The following XIRP2 variants were observed in gnomAD, a reference collection of about 807,000 sequenced individuals.
The protein encoded by XIRP2 is xin actin-binding repeat-containing protein 2.
XIRP2 carries 236 observed loss-of-function variants against 277.0 expected under a neutral mutation model. That is an observed-to-expected ratio of 0.85 (90% CI 0.77 to 0.95). The LOEUF (loss-of-function observed/expected upper bound fraction) is 0.95. XIRP2 is among the 40% of genes least tolerant of loss of function. XIRP2 has a pLI of 0.00. For synonymous variants in XIRP2, 1,490 were observed against 1,416.5 expected (o/e 1.05, Z -1.17); for missense variants, 4,640 against 4,157.5 (o/e 1.12, Z -3.19).
Position 167,242,580 on chromosome 2 carries a change from A to G in XIRP2, c.1188A>G (p.Glu396=). The G allele has an allele frequency of 6.2e-7, 1 of 1,611,384 alleles. No individual in the cohort carries two copies. Among genetic ancestry groups the G allele is most frequent in the Non-Finnish European group, 8.5e-7 (1 of 1,178,504 alleles). The change falls in exon 9 of 11, where the codon GAA becomes GAG. Residue 396 remains glutamate (E), a synonymous_variant. Transcript: ENST00000409195. Reference sequence around the variant, plus strand: ...TCTCTCCCCTAAAGACTGAAAGTGAATATGAAGAGACTTTCAAGCCATCAT... The same window carrying G: ...TCTCTCCCCTAAAGACTGAAAGTGAGTATGAAGAGACTTTCAAGCCATCAT... The part of the protein sequence containing the change: ...TPAKQIKTES[E]YEETFKPSSV...
intron 2 of XIRP2, among the ~76,000 whole-genome samples, chr2:167,086,022 A>C (rs1222743001): frequency 1.0e-4 from 15 of 149,500 alleles, no homozygotes; most frequent in African/African-American, 3.7e-4. Context: ...TAGTTGATGC[A>C]GTTTCTTCCT....
At chr2:167,106,400 A>G (rs550030321) in intron 2 of XIRP2, among the ~76,000 whole-genome samples, 1 of 151,920 alleles carries the variant, frequency 6.6e-6, no homozygotes, top group Admixed American at 6.6e-5. Context: ...CAGTTGTTCC[A>G]GCAATTACTG....
intron 2 of XIRP2, among the ~76,000 whole-genome samples, chr2:167,119,816 C>CT (rs1691002153): frequency 6.6e-6 from 1 of 152,140 alleles, no homozygotes; most frequent in Non-Finnish European, 1.5e-5. Flanking sequence ...TTTGTTTCTG[C>CT]TTTTCTCCCT....
Position 167,241,900 on chromosome 2 carries a change from A to C in XIRP2, c.1166A>C (p.Lys389Thr). 6.2e-7 allele frequency: 1 copy of C among 1,612,746 alleles called. No individual in the cohort carries two copies. The change falls in exon 8 of 11, where the codon AAG (lysine) becomes ACG (threonine). Residue 389 changes from lysine (K) to threonine (T), a missense_variant. Physicochemically the swap from Lys to Thr is moderately conservative, Grantham distance 78 (BLOSUM62 -1). Coordinates refer to ENST00000409195, the MANE Select transcript of XIRP2 (RefSeq NM_152381.6). Reference sequence around the variant, plus strand: ...GACAAAGAGATGACAACCCCAGCCAAGCAGATTAAGGTAAAGTCATTTCTT... The same window carrying C: ...GACAAAGAGATGACAACCCCAGCCACGCAGATTAAGGTAAAGTCATTTCTT... ...YSDKEMTTPA[K>T]QIKTESEYEE...
At position 167,199,798 on chromosome 2, in the gene XIRP2, C is replaced by T. The variant is rs557374136; in HGVS notation, c.563-10937C>T. Among the ~76,000 whole-genome samples, 24 of 152,290 alleles carry T rather than the reference C, an allele frequency of 1.6e-4. No individual in the cohort carries two copies. The South Asian group carries it at 2.7e-3, about 17-fold the overall frequency. On this transcript the variant is annotated intron_variant, in intron 3 of 10. Transcript: ENST00000409195. ...CAGAAAGAAGATGACATTCTCGCCA[C>T]AAGGGCACAGACCCTTAGTAACTAA...
chr2:167,117,738 T>C (rs1298225219), intron 2 of XIRP2, among the ~76,000 whole-genome samples: 1 of 152,242 alleles, frequency 6.6e-6, no homozygotes, highest in Non-Finnish European at 1.5e-5. Flanking sequence ...TGCAATACAG[T>C]ACACCAGCAA....
At chr2:167,073,662 AATAG>A (rs1689490280) in intron 2 of XIRP2, among the ~76,000 whole-genome samples, 1 of 152,192 alleles carries the variant, frequency 6.6e-6, no homozygotes, top group African/African-American at 2.4e-5. Context: ...ATAAGGAACA[AATAG>A]ATAAATTAAA....
chr2:167,031,718 A>C (rs753451824), intron 2 of XIRP2, among the ~76,000 whole-genome samples: 14 of 152,154 alleles, frequency 9.2e-5, no homozygotes, highest in Non-Finnish European at 2.1e-4. Context: ...TATAAAGATA[A>C]TAAAATACCT....
intron 2 of XIRP2, among the ~76,000 whole-genome samples, chr2:167,095,527 G>T (rs1237614096): frequency 6.6e-6 from 1 of 152,064 alleles, no homozygotes; most frequent in Non-Finnish European, 1.5e-5. Context: ...GCATGAAGGG[G>T]TGTTGAACTG....
intron 3 of XIRP2, among the ~76,000 whole-genome samples, chr2:167,140,639 A>G (rs183101757): frequency 6.6e-6 from 1 of 152,210 alleles, no homozygotes; most frequent in East Asian, 1.9e-4. Context: ...ACTGTACCTT[A>G]TTTCATGCCC....
At chr2:166,921,906 A>C (rs1685051130) in intron 2 of XIRP2, among the ~76,000 whole-genome samples, 1 of 152,272 alleles carries the variant, frequency 6.6e-6, no homozygotes, top group Non-Finnish European at 1.5e-5. Flanking sequence ...ATCTTTTCAG[A>C]GGCTTGTGCC....
intron 10 of XIRP2, among the ~76,000 whole-genome samples, chr2:167,257,577 C>T (rs555990569): frequency 6.6e-6 from 1 of 152,082 alleles, no homozygotes; most frequent in East Asian, 1.9e-4. Flanking sequence ...CAAGTTCAGT[C>T]CTATCACTCT....
At chr2:167,144,736 C>T (rs1691818259) in intron 3 of XIRP2, among the ~76,000 whole-genome samples, 1 of 152,128 alleles carries the variant, frequency 6.6e-6, no homozygotes, top group South Asian at 2.1e-4. Context: ...AATATCTTCA[C>T]TCTTCATCCC....
At position 167,096,378 on chromosome 2, in the gene XIRP2, TG is replaced by T. The variant is rs879795078; in HGVS notation, c.409-39528del. 1.4e-3 allele frequency among the ~76,000 whole-genome samples: 218 copies of T among 152,276 alleles called. 9 individuals are homozygous for T. Among genetic ancestry groups the T allele is most frequent in the Admixed American group, 0.014 (218 of 15,290 alleles). ...TCTCTGATGGTAGTTTGTATTTCTG[TG>T]GGATCAGTGGTGATCTCCCCTTTAT... On this transcript the variant is annotated intron_variant, in intron 2 of 10. Transcript: ENST00000409195.
At chr2:166,909,746 T>G (rs1334745388) in intron 2 of XIRP2, among the ~76,000 whole-genome samples, 1 of 152,232 alleles carries the variant, frequency 6.6e-6, no homozygotes, top group Non-Finnish European at 1.5e-5. Context: ...TGATATTGGC[T>G]GTGGGTTTGT....
intron 2 of XIRP2, among the ~76,000 whole-genome samples, chr2:166,919,934 C>T (rs1684993102): frequency 6.6e-6 from 1 of 152,156 alleles, no homozygotes; most frequent in Non-Finnish European, 1.5e-5. Flanking sequence ...TCAAAAAATA[C>T]TTATTTATCC....
intron 2 of XIRP2, among the ~76,000 whole-genome samples, chr2:167,100,182 A>T (rs59394610): frequency 0.11 from 16,611 of 151,622 alleles, 1,833 homozygotes; most frequent in African/African-American, 0.28. Context: ...AAAAAAAATT[A>T]AAAAAAAATT....
At chr2:167,010,385 T>C (rs879150281) in intron 2 of XIRP2, among the ~76,000 whole-genome samples, 1 of 151,668 alleles carries the variant, frequency 6.6e-6, no homozygotes, top group South Asian at 2.1e-4. Flanking sequence ...GTTGTAGATA[T>C]GTGGCGTTAT....
Position 167,244,256 on chromosome 2 carries a change from A to T in XIRP2, c.2864A>T (p.Asn955Ile). The T allele has an allele frequency of 6.2e-7, 1 of 1,613,782 alleles. No individual in the cohort carries two copies. The highest frequency in any genetic ancestry group is 8.5e-7 in the Non-Finnish European group (1 of 1,179,854). ...AATTACACACATATCTTTGAATCAA[A>T]CAATTTAATTAAATTTGATGCATCA... ...VKNYTHIFES[N>I]NLIKFDASHK... is the part of the protein sequence containing the mutation. Residue 955 changes from asparagine (N) to isoleucine (I), a missense_variant, in exon 9 of 11, where the codon AAC (asparagine) becomes ATC (isoleucine). Transcript: ENST00000409195.
Sources: gnomAD v4.1 joint callset for allele counts (sites outside exome capture counted in the v4.1 genomes callset) on GRCh38, gnomAD v4.1.1 for gene constraint, MANE v1.5 for transcripts, NCBI Gene and HGNC (gene_info 2026-07-23, HGNC 2026-07-21) for gene names.